Variants in PDCD1LG2 observed in about 807,000 individuals in gnomAD.
The protein encoded by PDCD1LG2 is B7 dendritic cell molecule.
In PDCD1LG2, 32 loss-of-function variants were observed where a neutral mutation model predicts 28.2. The ratio of observed to expected loss-of-function variants is 1.13; its 90% CI spans 0.86 to 1.52. PDCD1LG2 has a LOEUF of 1.52. Ranked by LOEUF, PDCD1LG2 falls within the 40% of genes most tolerant of loss-of-function variation. The pLI is 0.00. For synonymous variants in PDCD1LG2, 116 were observed against 120.2 expected (o/e 0.97, Z 0.23); for missense variants, 385 against 323.8 (o/e 1.19, Z -1.45).
chr9:5,533,781 T>G (rs963407679), intron 2 of PDCD1LG2, among the ~76,000 whole-genome samples: 4 of 152,016 alleles, frequency 2.6e-5, no homozygotes, highest in East Asian at 1.9e-4. Flanking sequence ...ATTTTAACTT[T>G]ACTAACATAT....
At chr9:5,534,693 T>A in intron 2 of PDCD1LG2, 52 bp from the exon 3 acceptor site, 1 of 1,508,176 alleles carries the variant, frequency 6.6e-7, no homozygotes, top group Non-Finnish European at 9.0e-7. Flanking sequence ...TCGTAAGAAC[T>A]GGAATGTAAA....
At chr9:5,566,755 A>G (rs1816674540) in intron 6 of PDCD1LG2, among the ~76,000 whole-genome samples, 1 of 152,210 alleles carries the variant, frequency 6.6e-6, no homozygotes, top group Non-Finnish European at 1.5e-5. Flanking sequence ...CCTATAATAA[A>G]TAGACCCTAC....
At position 5,514,772 on chromosome 9, in the gene PDCD1LG2, GAAAAAAAAA is replaced by G. The variant is rs60002651; in HGVS notation, c.-15+3983_-15+3991del. On this transcript the variant is annotated intron_variant, in intron 1 of 6. Transcript: ENST00000397747. Reference sequence around the variant, plus strand: ...CAATGAGTGAGACCTAGTCTCTAAAGAAAAAAAAAAAAAAAAAAAAAAGACAAAATAAGA... The same window carrying G: ...CAATGAGTGAGACCTAGTCTCTAAAGAAAAAAAAAAAAAGACAAAATAAGA... 7.4e-3 allele frequency among the ~76,000 whole-genome samples: 459 copies of G among 62,404 alleles called. 1 individual carries two copies. Among genetic ancestry groups the G allele is most frequent in the African/African-American group, 0.021 (402 of 18,704 alleles). 40.9% of individuals were successfully genotyped at this position (62,404 alleles called of 152,430 possible).
chr9:5,531,559 A>C (rs150294366), intron 2 of PDCD1LG2, among the ~76,000 whole-genome samples: 22 of 152,314 alleles, frequency 1.4e-4, no homozygotes, highest in Admixed American at 7.8e-4. Flanking sequence ...GCATTCTTAC[A>C]AGGCAGACAG....
rs79236089 is a variant in PDCD1LG2, at chr9:5,511,986, A to G, written c.-15+1183A>G. ...TTGTTGAATGGATTTATTTGATGAA[A>G]TGTCAGGAGAATCACCAGAAATGAA... On this transcript the variant is annotated intron_variant, in intron 1 of 6. Coordinates refer to ENST00000397747, the MANE Select transcript of PDCD1LG2 (RefSeq NM_025239.4). Among the ~76,000 whole-genome samples, 559 of 152,276 alleles carry G rather than the reference A, an allele frequency of 3.7e-3. 2 individuals carry two copies. The highest frequency in any genetic ancestry group is 0.013 in the African/African-American group (521 of 41,548).
At chr9:5,514,338 A>G (rs1195110657) in intron 1 of PDCD1LG2, among the ~76,000 whole-genome samples, 1 of 152,174 alleles carries the variant, frequency 6.6e-6, no homozygotes, top group African/African-American at 2.4e-5. Flanking sequence ...TATTTCATCT[A>G]TCAGTTTGGA....
intron 2 of PDCD1LG2, among the ~76,000 whole-genome samples, chr9:5,525,844 C>G (rs1045571721): frequency 2.6e-5 from 4 of 151,658 alleles, no homozygotes; most frequent in Non-Finnish European, 5.9e-5. Context: ...GTCAGGAGAC[C>G]GAGACCAGCC....
At chr9:5,555,643 AT>A (rs1324918139) in intron 4 of PDCD1LG2, among the ~76,000 whole-genome samples, 1 of 152,148 alleles carries the variant, frequency 6.6e-6, no homozygotes, top group Non-Finnish European at 1.5e-5. Context: ...AGTGATCCAG[AT>A]TATTTTCATC....
chr9:5,535,898 T>C (rs979853441), intron 3 of PDCD1LG2, among the ~76,000 whole-genome samples: 1 of 152,200 alleles, frequency 6.6e-6, no homozygotes, highest in African/African-American at 2.4e-5. Context: ...GAAAGACATA[T>C]AACAACTATA....
rs1035386494 is a variant in PDCD1LG2, at chr9:5,569,707, A to T, written c.817-247A>T. Among the ~76,000 whole-genome samples the T allele has an allele frequency of 6.6e-6, 1 of 152,186 alleles. No homozygotes were observed. The highest frequency in any genetic ancestry group is 6.5e-5 in the Admixed American group (1 of 15,288). On this transcript the variant is annotated intron_variant, in intron 6 of 6. Coordinates refer to ENST00000397747, the MANE Select transcript of PDCD1LG2 (RefSeq NM_025239.4). This position sits in a 1 kb window ranked among gnomAD's most constrained non-coding sequence, Gnocchi z 4.1. ...AAATGTGCTCCAATATTACTGAACT[A>T]TGTGTGGCCCAAAGAATGGAAGAGG...
At chr9:5,546,152 A>C (rs1192575846) in intron 3 of PDCD1LG2, among the ~76,000 whole-genome samples, 1 of 152,060 alleles carries the variant, frequency 6.6e-6, no homozygotes, top group African/African-American at 2.4e-5. Context: ...CTGTCTCCCT[A>C]TCTGCTCCCT....
At chr9:5,551,942 G>A (rs1195279890) in intron 4 of PDCD1LG2, among the ~76,000 whole-genome samples, 2 of 152,152 alleles carry the variant, frequency 1.3e-5, no homozygotes, top group Non-Finnish European at 2.9e-5. Context: ...TGCTGCTGCT[G>A]TGGATCCCAA....
intron 2 of PDCD1LG2, among the ~76,000 whole-genome samples, chr9:5,531,504 A>G (rs945118364): frequency 3.3e-5 from 5 of 152,078 alleles, no homozygotes; most frequent in Non-Finnish European, 7.4e-5. Flanking sequence ...GAAAAATGTC[A>G]CCTGTCTGAC....
rs1816747971 is a variant in PDCD1LG2, at chr9:5,570,409, G to T, written c.*450G>T. On this transcript the variant is annotated 3_prime_UTR_variant, in exon 7 of 7. Coordinates refer to ENST00000397747, the MANE Select transcript of PDCD1LG2 (RefSeq NM_025239.4). The stretch of plus-strand genomic sequence containing the variant: ...ATAGCTTCCTCTGGGTACTAGAAGA[G>T]GCTATTGAGACTATGAGCTCACAGA... 1 of 238,760 alleles carries T rather than the reference G, an allele frequency of 4.2e-6. No homozygotes were observed. The highest frequency in any genetic ancestry group is 2.2e-5 in the African/African-American group (1 of 45,460). 14.8% of individuals were successfully genotyped at this position (238,760 alleles called of 1,614,324 possible).
intron 2 of PDCD1LG2, among the ~76,000 whole-genome samples, chr9:5,525,612 C>T (rs1024194443): frequency 6.6e-6 from 1 of 151,800 alleles, no homozygotes; most frequent in African/African-American, 2.4e-5. Flanking sequence ...CATGTAACTA[C>T]ATCTATGAAT....
intron 3 of PDCD1LG2, among the ~76,000 whole-genome samples, chr9:5,545,272 A>G (rs1816167359): frequency 1.3e-5 from 2 of 152,266 alleles, no homozygotes; most frequent in Admixed American, 1.3e-4. Context: ...CAAACTGCTC[A>G]GATTCTGAAC....
chr9:5,514,206 A>G (rs1463517910), intron 1 of PDCD1LG2, among the ~76,000 whole-genome samples: 1 of 152,360 alleles, frequency 6.6e-6, no homozygotes, highest in Admixed American at 6.5e-5. Context: ...AGAGAATTCC[A>G]TAAAAGCACT....
chr9:5,534,503 G>T (rs1355743888), intron 2 of PDCD1LG2, among the ~76,000 whole-genome samples: 1 of 152,172 alleles, frequency 6.6e-6, no homozygotes, highest in African/African-American at 2.4e-5. Context: ...AGGAGCAAAG[G>T]GCAGTCAGCT....
Position 5,570,013 on chromosome 9 carries a change from G to A in PDCD1LG2, c.*54G>A, listed in dbSNP as rs374539843. The A allele has an allele frequency of 2.5e-6, 4 of 1,612,528 alleles. No homozygotes were observed. In the African/African-American group the frequency reaches 5.3e-5, roughly 22 times the overall value. On this transcript the variant is annotated 3_prime_UTR_variant, in exon 7 of 7. Transcript: ENST00000397747. Reference sequence around the variant, plus strand: ...TGATATGACATCTAAAGAAGCTTCTGGACTCTGAACAAGAATTCGGTGGCC... The same window carrying A: ...TGATATGACATCTAAAGAAGCTTCTAGACTCTGAACAAGAATTCGGTGGCC...
Sources: gnomAD v4.1 joint callset for allele counts (sites outside exome capture counted in the v4.1 genomes callset) on GRCh38, gnomAD v4.1.1 for gene constraint, Gnocchi (gnomAD v3.1) non-coding constraint, MANE v1.5 for transcripts, NCBI Gene and HGNC (gene_info 2026-07-23, HGNC 2026-07-21) for gene names.